Variants in PRPF8 observed in about 807,000 individuals in gnomAD.
PRPF8 encodes pre-mRNA processing factor 8, also known as pre-mRNA-processing-splicing factor 8.
PRPF8 carries 64 observed loss-of-function variants against 285.9 expected under a neutral mutation model. That is an observed-to-expected ratio of 0.22 (90% CI 0.18 to 0.28). The LOEUF (loss-of-function observed/expected upper bound fraction) is 0.28. Ranked by LOEUF, PRPF8 falls within the 10% of genes least tolerant of loss-of-function variation. The pLI is 1.00. For synonymous variants in PRPF8, 1,325 were observed against 1,118.2 expected (o/e 1.18, Z -3.69); for missense variants, 1,426 against 3,026.7 (o/e 0.47, Z 12.41).
At chr17:1,672,241 G>A (rs892168348) in intron 24 of PRPF8, among the ~76,000 whole-genome samples, 1 of 152,138 alleles carries the variant, frequency 6.6e-6, no homozygotes, top group Non-Finnish European at 1.5e-5. Context: ...TTATAGCTAA[G>A]AGTTACTCTA....
chr17:1,683,181 G>C (rs1913032641), intron 3 of PRPF8: 2 of 338,918 alleles, frequency 5.9e-6, no homozygotes, highest in East Asian at 7.6e-5. Flanking sequence ...ATTTTTAGTA[G>C]AGACGGGGTT....
At position 1,659,659 on chromosome 17, in the gene PRPF8, C is replaced by T. The variant is rs1911579776; in HGVS notation, c.4947-111G>A. The T allele has an allele frequency of 2.1e-6, 3 of 1,436,356 alleles. No individual in the cohort carries two copies. In the East Asian group the frequency reaches 7.1e-5, roughly 34 times the overall value. The allele number at this position is 1,436,356 out of a possible 1,614,324, so 89.0% of individuals were successfully genotyped here. A position where few individuals can be genotyped will look rare whatever the true frequency, so the allele number is the denominator to read the frequency against. On this transcript the variant is annotated intron_variant, in intron 31 of 42. Coordinates refer to ENST00000304992, the MANE Select transcript of PRPF8 (RefSeq NM_006445.4). This position sits in a 1 kb window ranked among gnomAD's most constrained non-coding sequence, Gnocchi z 5.1. The stretch of plus-strand genomic sequence containing the variant: ...ATCCCACCCACTCCACCAACTTGTT[C>T]CAGGTCAGCAGGACCCCAGAGAATC...
At position 1,659,124 on chromosome 17, in the gene PRPF8, C is replaced by T. The variant is rs1285484039; in HGVS notation, c.5138+233G>A. The T allele has an allele frequency of 6.2e-6, 4 of 649,904 alleles. No individual in the cohort carries two copies. The highest frequency in any genetic ancestry group is 5.4e-5 in the African/African-American group (3 of 55,270). The allele number at this position is 649,904 out of a possible 1,614,324, so 40.3% of individuals were successfully genotyped here. ...CACTGCAAGCTCCGCCTCCCGGGTTCAAGTAATTCTCCCACCTCAACCTTC... is the reference window on the plus strand; with the variant it reads ...CACTGCAAGCTCCGCCTCCCGGGTTTAAGTAATTCTCCCACCTCAACCTTC... On this transcript the variant is annotated intron_variant, in intron 32 of 42. Transcript: ENST00000304992. This position sits in a 1 kb window ranked among gnomAD's most constrained non-coding sequence, Gnocchi z 5.1.
chr17:1,683,986 A>G (rs2151133277), intron 2 of PRPF8, among the ~76,000 whole-genome samples: 1 of 150,904 alleles, frequency 6.6e-6, no homozygotes, highest in African/African-American at 2.4e-5. Context: ...TCCTGGGTTC[A>G]AGCCATTCTC....
At chr17:1,674,839 T>C (rs1912527713) in intron 20 of PRPF8, among the ~76,000 whole-genome samples, 159 bp from the exon 21 acceptor site, 1 of 152,096 alleles carries the variant, frequency 6.6e-6, no homozygotes, top group African/African-American at 2.4e-5. Context: ...TGGCGCAATC[T>C]CAGCTCACTG....
rs1567692280 is a variant in PRPF8, at chr17:1,681,540, T to C, written c.804A>G (p.Ala268=). The change falls in exon 6 of 43, where the codon GCA becomes GCG. Residue 268 remains alanine (A), a synonymous_variant. Coordinates refer to ENST00000304992, the MANE Select transcript of PRPF8 (RefSeq NM_006445.4). Reference sequence around the variant, plus strand: ...GGCCTCCAGGAATGGCCATATTGAGTGCCTTGGACGTAAAGAAGGCCTTCA... The same window carrying C: ...GGCCTCCAGGAATGGCCATATTGAGCGCCTTGGACGTAAAGAAGGCCTTCA... ...FDLKAFFTSK[A]LNMAIPGGPK... The C allele has an allele frequency of 1.9e-6, 3 of 1,613,440 alleles. No individual in the cohort carries two copies. Among genetic ancestry groups the C allele is most frequent in the Non-Finnish European group, 2.5e-6 (3 of 1,179,384 alleles).
At position 1,679,397 on chromosome 17, in the gene PRPF8, A is replaced by G; in HGVS notation, c.1303T>C (p.Cys435Arg). The change falls in exon 10 of 43, where the codon TGT becomes CGT. Residue 435 changes from cysteine to arginine, a missense_variant. Cys to Arg is a radical substitution (Grantham distance 180). Coordinates refer to ENST00000304992, the MANE Select transcript of PRPF8 (RefSeq NM_006445.4). The surrounding 1 kb of genome is among the most constrained non-coding windows in gnomAD (Gnocchi z 4.7). Reference protein sequence around the residue: ...PLVKNWYREHCPAGQPVKVRV... With the variant: ...PLVKNWYREHRPAGQPVKVRV... ...ACTTTCACAGGCTGCCCGGCAGGAC[A>G]ATGCTCCCGATACCTGGAAAAATAA... 1 of 1,612,888 alleles carries G rather than the reference A, an allele frequency of 6.2e-7. No individual in the cohort carries two copies. Among genetic ancestry groups the G allele is most frequent in the Non-Finnish European group, 8.5e-7 (1 of 1,179,996 alleles).
intron 35 of PRPF8, 40 bp from the exon 36 acceptor site, chr17:1,656,605 G>A: frequency 1.2e-6 from 2 of 1,613,984 alleles, no homozygotes; most frequent in South Asian, 1.1e-5. Flanking sequence ...ACAGCCTGAA[G>A]GTCTCAAGGT....
At position 1,661,859 on chromosome 17, in the gene PRPF8, T is replaced by A; in HGVS notation, c.4022+47A>T. On this transcript the variant is annotated intron_variant, in intron 25 of 42. Transcript: ENST00000304992. The surrounding 1 kb of genome is among the most constrained non-coding windows in gnomAD (Gnocchi z 7.3). Reference sequence around the variant, plus strand: ...AAACTAAAGAAATACCCACTTCCCTTAGGGCCTGAGCAATAGGGTTTAGAA... The same window carrying A: ...AAACTAAAGAAATACCCACTTCCCTAAGGGCCTGAGCAATAGGGTTTAGAA... 1 of 1,614,174 alleles carries A rather than the reference T, an allele frequency of 6.2e-7. No individual in the cohort carries two copies. Among genetic ancestry groups the A allele is most frequent in the Non-Finnish European group, 8.5e-7 (1 of 1,180,038 alleles).
chr17:1,658,717 C>A lies in PRPF8; in HGVS notation c.5185G>T (p.Ala1729Ser). Residue 1729 changes from alanine (A) to serine (S), a missense_variant, in exon 33 of 43, where the codon GCC becomes TCC. Around this residue, in one of 34 missense-constraint regions of PRPF8, gnomAD observed 74 missense variants for 161.8 expected, o/e 0.46. Transcript: ENST00000304992. This position sits in a 1 kb window ranked among gnomAD's most constrained non-coding sequence, Gnocchi z 4.1. ...TTTGCCTTCATGATCTTGGCCATGG[C>A]CTGTTGTATGAGAGGCTTGCTGCCT... The part of the protein sequence containing the change: ...FPGSKPLIQQ[A>S]MAKIMKANPA... 6.2e-7 allele frequency: 1 copy of A among 1,614,188 alleles called. No individual in the cohort carries two copies.
rs976946342 is a variant in PRPF8 at position 1,679,971 on chromosome 17, C to A, written c.1099-172G>T. On this transcript the variant is annotated intron_variant, in intron 8 of 42. Transcript: ENST00000304992. This position sits in a 1 kb window ranked among gnomAD's most constrained non-coding sequence, Gnocchi z 4.7. ...CAAAGGAAACCAAGACAGCAAAGAA[C>A]AAGACAGGGCCACCAGGAAAGCAAG... 6.6e-6 allele frequency among the ~76,000 whole-genome samples: 1 copy of A among 152,166 alleles called. No individual in the cohort carries two copies. The highest frequency in any genetic ancestry group is 2.4e-5 in the African/African-American group (1 of 41,424).
chr17:1,672,605 A>C (rs1474115360), intron 24 of PRPF8, among the ~76,000 whole-genome samples: 3 of 152,138 alleles, frequency 2.0e-5, no homozygotes, highest in Non-Finnish European at 4.4e-5. Flanking sequence ...TAAATTTTGC[A>C]AAACCTTAAA....
rs760935944 is a variant in PRPF8 at position 1,681,894 on chromosome 17, T to G, written c.579A>C (p.Leu193=). 1.2e-6 allele frequency: 2 copies of G among 1,613,900 alleles called. No homozygotes were observed. Among genetic ancestry groups the G allele is most frequent in the Admixed American group, 3.3e-5 (2 of 59,954 alleles). ...LDVEPLEAIQ[L]ELDPEEDAPV... ...GGGCGTCCTCCTCAGGGTCCAGCTCTAGCTGAATGGCCTCCAGTGGCTCAA... is the reference window on the plus strand; with the variant it reads ...GGGCGTCCTCCTCAGGGTCCAGCTCGAGCTGAATGGCCTCCAGTGGCTCAA... The change falls in exon 5 of 43, where the codon CTA becomes CTC. Residue 193 remains leucine, a synonymous_variant. Coordinates refer to ENST00000304992, the MANE Select transcript of PRPF8 (RefSeq NM_006445.4).
At chr17:1,678,452 C>G in intron 13 of PRPF8, 66 bp downstream of exon 13, 1 of 1,607,082 alleles carries the variant, frequency 6.2e-7, no homozygotes, top group Non-Finnish European at 8.5e-7. Flanking sequence ...CATTGCACAC[C>G]AGCCCAAGAG....
In PRPF8 at chr17:1,653,344, A is replaced by T; in HGVS notation, c.6369+198T>A. ...ATACTATCAGGCCAATACTACAATTACTACCTTCTCTCAGCTGCCACAGCT... is the reference window on the plus strand; with the variant it reads ...ATACTATCAGGCCAATACTACAATTTCTACCTTCTCTCAGCTGCCACAGCT... On this transcript the variant is annotated intron_variant, in intron 39 of 42. Transcript: ENST00000304992. This position sits in a 1 kb window ranked among gnomAD's most constrained non-coding sequence, Gnocchi z 4.9. The T allele has an allele frequency of 2.9e-6, 2 of 695,794 alleles. No individual in the cohort carries two copies. Among genetic ancestry groups the T allele is most frequent in the Non-Finnish European group, 5.0e-6 (2 of 397,054 alleles). 43.1% of individuals were successfully genotyped at this position (695,794 alleles called of 1,614,324 possible).
Position 1,679,213 on chromosome 17 carries a change from T to A in PRPF8, c.1410-7A>T. 6.2e-7 allele frequency: 1 copy of A among 1,614,130 alleles called. No individual in the cohort carries two copies. The highest frequency in any genetic ancestry group is 8.5e-7 in the Non-Finnish European group (1 of 1,180,022). ...GAAGGAGCGGAACAAATACCTGAGGTGGGAACATGGAGAGTAAGAGTCAGC... is the reference window on the plus strand; with the variant it reads ...GAAGGAGCGGAACAAATACCTGAGGAGGGAACATGGAGAGTAAGAGTCAGC... On this transcript the variant is annotated splice_region_variant and splice_polypyrimidine_tract_variant and intron_variant, in intron 10 of 42. Coordinates refer to ENST00000304992, the MANE Select transcript of PRPF8 (RefSeq NM_006445.4). This position sits in a 1 kb window ranked among gnomAD's most constrained non-coding sequence, Gnocchi z 4.7.
Position 1,655,559 on chromosome 17 carries a change from G to T in PRPF8, c.5794-16C>A. 1 of 1,597,320 alleles carries T rather than the reference G, an allele frequency of 6.3e-7. No individual in the cohort carries two copies. The highest frequency in any genetic ancestry group is 1.1e-5 in the South Asian group (1 of 90,746). ...GGGAGAAGGCCTGGGAAAAGATTTG[G>T]AAGAGTGGGGTAGGTCAGCTGCTTG... On this transcript the variant is annotated splice_polypyrimidine_tract_variant and intron_variant, in intron 36 of 42. Coordinates refer to ENST00000304992, the MANE Select transcript of PRPF8 (RefSeq NM_006445.4).
rs1416633874 is a variant in PRPF8 at position 1,651,986 on chromosome 17, C to T, written c.6370-198G>A. 2.9e-6 allele frequency: 2 copies of T among 690,736 alleles called. No homozygotes were observed. The highest frequency in any genetic ancestry group is 5.1e-6 in the Non-Finnish European group (2 of 394,318). The allele number at this position is 690,736 out of a possible 1,614,324, so 42.8% of individuals were successfully genotyped here. ...GGACCTCATCGCGGACTTACCACAT[C>T]AGAATCTCCTGAGTGGGGTCCAGGA... On this transcript the variant is annotated intron_variant, in intron 39 of 42. Transcript: ENST00000304992. This position sits in a 1 kb window ranked among gnomAD's most constrained non-coding sequence, Gnocchi z 5.1.
intron 2 of PRPF8, 111 bp downstream of exon 2, chr17:1,684,361 A>C (rs983769096): frequency 1.9e-6 from 2 of 1,041,182 alleles, no homozygotes; most frequent in Admixed American, 4.0e-5. Flanking sequence ...GGAAATAACA[A>C]GGGAGCTGAC....
Sources: gnomAD v4.1 joint callset for allele counts (sites outside exome capture counted in the v4.1 genomes callset) on GRCh38, gnomAD v4.1.1 for gene constraint, gnomAD v4.1.1 regional missense constraint, Gnocchi (gnomAD v3.1) non-coding constraint, MANE v1.5 for transcripts, NCBI Gene and HGNC (gene_info 2026-07-23, HGNC 2026-07-21) for gene names.